MCTP1: variants seen among roughly 807,000 people sequenced by gnomAD.
MCTP1 encodes multiple C2 and transmembrane domain containing 1.
Under a neutral mutation model 120.6 loss-of-function variants are expected in MCTP1, and 69 were observed. The observed-to-expected ratio is 0.57, with a 90% CI of 0.47 to 0.70. The LOEUF (loss-of-function observed/expected upper bound fraction) is 0.70, where lower values mean the gene tolerates loss of function less well. Among genes scored for constraint, MCTP1 ranks in the 30% least tolerant of loss-of-function variants. The probability of loss-of-function intolerance (pLI) is 0.00; values close to 1 mark genes in which losing one functional copy is unlikely to be tolerated. For missense variants in MCTP1, 1,203 were observed against 1,248.8 expected, an observed-to-expected ratio of 0.96 and a Z score of 0.55; for synonymous variants, 529 against 493.1, an observed-to-expected ratio of 1.07 and a Z score of -0.96.
intron 2 of MCTP1, among the ~76,000 whole-genome samples, chr5:95,017,121 T>C (rs774826767): frequency 6.6e-6 from 1 of 152,138 alleles, no homozygotes; most frequent in Non-Finnish European, 1.5e-5. Flanking sequence ...GAGTCTAATT[T>C]GTCAGCAGTT....
chr5:94,959,958 C>T (rs1275208462), intron 2 of MCTP1, among the ~76,000 whole-genome samples: 1 of 151,926 alleles, frequency 6.6e-6, no homozygotes. Flanking sequence ...GCCTGTGTAG[C>T]CAAGACAATC....
chr5:95,177,820 T>G (rs1748183789), intron 1 of MCTP1, among the ~76,000 whole-genome samples: 1 of 152,118 alleles, frequency 6.6e-6, no homozygotes, highest in South Asian at 2.1e-4. Flanking sequence ...ATATAAGGAA[T>G]TACTAGACAG....
chr5:94,814,234 A>T (rs1784034823), intron 17 of MCTP1, among the ~76,000 whole-genome samples: 1 of 152,210 alleles, frequency 6.6e-6, no homozygotes, highest in African/African-American at 2.4e-5. Flanking sequence ...ATAAATACAC[A>T]ATACACAAAT....
At position 94,706,361 on chromosome 5, in the gene MCTP1, G is replaced by C. The variant is rs756087836; in HGVS notation, c.*1135C>G. 6.6e-6 allele frequency: 1 copy of C among 151,606 alleles called. No homozygotes were observed. The highest frequency in any genetic ancestry group is 1.5e-5 in the Non-Finnish European group (1 of 67,758). The allele number at this position is 151,606 out of a possible 1,614,324, so 9.4% of individuals were successfully genotyped here. A position where few individuals can be genotyped will look rare whatever the true frequency, so the allele number is the denominator to read the frequency against. ...TTTAAGTATAGATTCTATGATAATA[G>C]TGAAACATTGATAAAGGCAACCACC... is the stretch of plus-strand genomic sequence containing the variant. On this transcript the variant is annotated 3_prime_UTR_variant, in exon 23 of 23. Transcript: ENST00000515393.
intron 2 of MCTP1, among the ~76,000 whole-genome samples, chr5:94,957,317 G>A (rs567667419): frequency 7.9e-5 from 12 of 152,108 alleles, no homozygotes; most frequent in South Asian, 6.2e-4. Flanking sequence ...AAAACAAACC[G>A]AGATGTAAAG....
chr5:95,046,614 T>C (rs1413405774), intron 1 of MCTP1, among the ~76,000 whole-genome samples: 1 of 152,136 alleles, frequency 6.6e-6, no homozygotes, highest in Non-Finnish European at 1.5e-5. Flanking sequence ...AAGTTCTCAG[T>C]GTTTTACAGA....
chr5:94,984,311 C>T (rs151226537), intron 2 of MCTP1, among the ~76,000 whole-genome samples: 3 of 152,190 alleles, frequency 2.0e-5, no homozygotes, highest in Middle Eastern at 3.4e-3. Flanking sequence ...GTGAAAGGCT[C>T]TTGGCTAGGA....
At chr5:95,178,182 C>A (rs895932008) in intron 1 of MCTP1, among the ~76,000 whole-genome samples, 1 of 152,210 alleles carries the variant, frequency 6.6e-6, no homozygotes, top group African/African-American at 2.4e-5. Flanking sequence ...TCCCCCACAG[C>A]AGCTGCAGCA....
chr5:95,233,313 C>T (rs989119931), intron 1 of MCTP1, among the ~76,000 whole-genome samples: 3 of 151,168 alleles, frequency 2.0e-5, no homozygotes, highest in Non-Finnish European at 2.9e-5. Flanking sequence ...TATTTAGAAA[C>T]TAAATGGCAT....
At position 95,266,324 on chromosome 5, in the gene MCTP1, C is replaced by A. The variant is rs147932540; in HGVS notation, c.720+17532G>T. On this transcript the variant is annotated intron_variant, in intron 1 of 22. Transcript: ENST00000515393. ...TCTTCCTTTTACCCAAGGGTATTAA[C>A]TGAGGGTTCTGGAGTCCATGGATTG... Among the ~76,000 whole-genome samples the A allele has an allele frequency of 2.0e-3, 302 of 152,324 alleles. 1 individual carries two copies. The highest frequency in any genetic ancestry group is 7.0e-3 in the African/African-American group (289 of 41,582).
At chr5:95,075,593 A>T (rs982122917) in intron 1 of MCTP1, among the ~76,000 whole-genome samples, 1 of 152,210 alleles carries the variant, frequency 6.6e-6, no homozygotes, top group Admixed American at 6.5e-5. Context: ...AAAAAAAATT[A>T]ATGTCTGATA....
intron 2 of MCTP1, among the ~76,000 whole-genome samples, chr5:95,015,406 T>C (rs1008032286): frequency 2.0e-5 from 3 of 152,132 alleles, no homozygotes; most frequent in African/African-American, 4.8e-5. Context: ...AGTTAAAGAC[T>C]TTAAATTAAT....
Position 94,797,422 on chromosome 5 carries a change from G to A in MCTP1, c.2556+1591C>T, listed in dbSNP as rs116626050. Among the ~76,000 whole-genome samples the A allele has an allele frequency of 8.9e-3, 1,355 of 152,220 alleles. 24 individuals carry two copies. Among genetic ancestry groups the A allele is most frequent in the African/African-American group, 0.031 (1,307 of 41,548 alleles). The stretch of plus-strand genomic sequence containing the variant: ...CTTCTCTCTCTAAAATCGCCATGAA[G>A]TAAATGGGACAAAAAAGCAATTGTC... On this transcript the variant is annotated intron_variant, in intron 18 of 22. Coordinates refer to ENST00000515393, the MANE Select transcript of MCTP1 (RefSeq NM_024717.7).
intron 2 of MCTP1, among the ~76,000 whole-genome samples, chr5:94,980,084 CAT>C (rs1829065042): frequency 6.6e-6 from 1 of 152,064 alleles, no homozygotes; most frequent in Non-Finnish European, 1.5e-5. Context: ...TAGTACTAAA[CAT>C]ATAGTTTTAG....
intron 1 of MCTP1, among the ~76,000 whole-genome samples, chr5:95,281,633 T>G (rs190735020): frequency 2.0e-3 from 300 of 152,354 alleles, no homozygotes; most frequent in Non-Finnish European, 3.4e-3. Flanking sequence ...CTCTTATTTT[T>G]TGAAAGATAT....
intron 1 of MCTP1, among the ~76,000 whole-genome samples, chr5:95,261,196 G>A (rs1469115231): frequency 1.3e-5 from 2 of 152,128 alleles, no homozygotes; most frequent in Non-Finnish European, 2.9e-5. Flanking sequence ...TAAACTGTTG[G>A]AAAGCCATTT....
Position 94,707,248 on chromosome 5 carries a change from GTTATA to G in MCTP1, c.*243_*247del, listed in dbSNP as rs1363942700. On this transcript the variant is annotated 3_prime_UTR_variant, in exon 23 of 23. Coordinates refer to ENST00000515393, the MANE Select transcript of MCTP1 (RefSeq NM_024717.7). Reference sequence around the variant, plus strand: ...ATTCTTATATTTGTTCTTTCAGTGTGTTATATTATTATCCACAGCTAACAAGGTTT... The same window carrying G: ...ATTCTTATATTTGTTCTTTCAGTGTGTTATTATCCACAGCTAACAAGGTTT... 17 of 397,440 alleles carry G rather than the reference GTTATA, an allele frequency of 4.3e-5. No individual in the cohort carries two copies. The highest frequency in any genetic ancestry group is 3.3e-4 in the Admixed American group (8 of 23,900). 24.6% of individuals were successfully genotyped at this position (397,440 alleles called of 1,614,324 possible).
chr5:94,832,196 C>A (rs925603501), intron 17 of MCTP1, among the ~76,000 whole-genome samples: 1 of 152,198 alleles, frequency 6.6e-6, no homozygotes, highest in Non-Finnish European at 1.5e-5. Context: ...CATCTCTTTA[C>A]ACAAATGTTT....
At chr5:95,128,627 T>C (rs1250555244) in intron 1 of MCTP1, among the ~76,000 whole-genome samples, 2 of 152,192 alleles carry the variant, frequency 1.3e-5, no homozygotes, top group Non-Finnish European at 2.9e-5. Flanking sequence ...GGCAAATCTA[T>C]GTAGACAGAA....
Sources: allele counts gnomAD v4.1 joint callset (sites outside exome capture counted in the v4.1 genomes callset), GRCh38; gene constraint gnomAD v4.1.1; transcripts MANE v1.5; gene names NCBI Gene and HGNC (gene_info 2026-07-23, HGNC 2026-07-21).